Variants in EGLN1 observed in about 807,000 individuals in gnomAD.
EGLN1 encodes the protein egl nine homolog 1.
Under a neutral mutation model 38.3 loss-of-function variants are expected in EGLN1, and 17 were observed. The observed-to-expected ratio is 0.44, with a 90% CI of 0.30 to 0.67. The LOEUF (loss-of-function observed/expected upper bound fraction) is 0.67, where lower values mean the gene tolerates loss of function less well. Ranked by LOEUF, EGLN1 falls within the 30% of genes least tolerant of loss-of-function variation. EGLN1 has a pLI of 0.08. For synonymous variants in EGLN1, 283 were observed against 257.5 expected (o/e 1.10, Z -0.95); for missense variants, 477 against 603.3 (o/e 0.79, Z 2.19).
intron 1 of EGLN1, among the ~76,000 whole-genome samples, chr1:231,409,849 C>T (rs981136650): frequency 3.9e-5 from 6 of 152,160 alleles, no homozygotes; most frequent in Non-Finnish European, 5.9e-5. Flanking sequence ...TTATTAACTC[C>T]TATCATACTG....
At chr1:231,382,058 T>G (rs1016295125) in intron 1 of EGLN1, among the ~76,000 whole-genome samples, 2 of 152,242 alleles carry the variant, frequency 1.3e-5, no homozygotes, top group African/African-American at 4.8e-5. Context: ...TATAATTCGT[T>G]GGAAGAGTCT....
chr1:231,387,520 C>T (rs1688253058), intron 1 of EGLN1, among the ~76,000 whole-genome samples: 3 of 151,858 alleles, frequency 2.0e-5, no homozygotes, highest in African/African-American at 7.3e-5. Flanking sequence ...CCACCACGTC[C>T]GGCTAATTTT....
rs1430001885 is a variant in EGLN1, at chr1:231,365,368, T to G, written c.*1043A>C. The stretch of plus-strand genomic sequence containing the variant: ...TTAAGAAAGCCCTTATCTTAGGAAC[T>G]TGAAGCTGAGGATAATCTCAAGTTC... On this transcript the variant is annotated 3_prime_UTR_variant, in exon 5 of 5. Coordinates refer to ENST00000366641, the MANE Select transcript of EGLN1 (RefSeq NM_022051.3). The G allele has an allele frequency of 6.6e-6, 1 of 152,246 alleles. No individual in the cohort carries two copies. Among genetic ancestry groups the G allele is most frequent in the Non-Finnish European group, 1.5e-5 (1 of 68,034 alleles). The allele number at this position is 152,246 out of a possible 1,614,324, so 9.4% of individuals were successfully genotyped here.
At chr1:231,404,507 G>GTGGCT in intron 1 of EGLN1, among the ~76,000 whole-genome samples, 1 of 152,180 alleles carries the variant, frequency 6.6e-6, no homozygotes, top group Admixed American at 6.5e-5. Context: ...GCCAGGCACA[G>GTGGCT]TGGCTCATGC....
At chr1:231,377,743 G>A (rs1457502356) in intron 1 of EGLN1, among the ~76,000 whole-genome samples, 3 of 152,158 alleles carry the variant, frequency 2.0e-5, no homozygotes, top group Non-Finnish European at 4.4e-5. Context: ...TGGAGCCCTA[G>A]GGAGGTATCT....
At chr1:231,391,044 C>T (rs1365494543) in intron 1 of EGLN1, among the ~76,000 whole-genome samples, 6 of 128,570 alleles carry the variant, frequency 4.7e-5, no homozygotes, top group South Asian at 2.7e-4. Context: ...TGATTCACCA[C>T]GACCGACGCG....
intron 1 of EGLN1, among the ~76,000 whole-genome samples, chr1:231,413,180 A>G (rs1688996361): frequency 6.6e-6 from 1 of 152,032 alleles, no homozygotes; most frequent in South Asian, 2.1e-4. Context: ...GGTTCAAGTA[A>G]TTCTCCTGCC....
At chr1:231,401,891 T>G (rs1688672550) in intron 1 of EGLN1, among the ~76,000 whole-genome samples, 2 of 152,210 alleles carry the variant, frequency 1.3e-5, no homozygotes, top group South Asian at 4.1e-4. Context: ...CTAACCCGTT[T>G]TCCAAAGTGG....
At chr1:231,378,935 G>A (rs2739515) in intron 1 of EGLN1, among the ~76,000 whole-genome samples, 82,907 of 151,986 alleles carry the variant, frequency 0.55, 24,234 homozygotes, top group Non-Finnish European at 0.65. Flanking sequence ...GCCTTTTGTA[G>A]AGGCTGACAG....
intron 1 of EGLN1, among the ~76,000 whole-genome samples, chr1:231,378,399 A>C (rs1688006894): frequency 6.6e-6 from 1 of 152,182 alleles, no homozygotes; most frequent in Non-Finnish European, 1.5e-5. Context: ...ATTTATACAT[A>C]AACAAAACAA....
chr1:231,384,499 A>G (rs1688148090), intron 1 of EGLN1, among the ~76,000 whole-genome samples: 1 of 152,150 alleles, frequency 6.6e-6, no homozygotes, highest in Non-Finnish European at 1.5e-5. Context: ...GTTGACATTT[A>G]AGAAGAAATG....
chr1:231,370,769 AAG>A, intron 2 of EGLN1, 71 bp from the exon 3 acceptor site: 1 of 1,533,354 alleles, frequency 6.5e-7, no homozygotes, highest in Non-Finnish European at 9.0e-7. Context: ...GGGGGAAAAA[AAG>A]AGACAATTTC....
intron 4 of EGLN1, 119 bp downstream of exon 4, chr1:231,367,449 TA>T: frequency 9.3e-7 from 1 of 1,073,650 alleles, no homozygotes; most frequent in Non-Finnish European, 1.4e-6. Flanking sequence ...AGAAATCTGA[TA>T]AAAAACAAAA....
At chr1:231,393,803 G>A (rs1041720496) in intron 1 of EGLN1, among the ~76,000 whole-genome samples, 1 of 152,030 alleles carries the variant, frequency 6.6e-6, no homozygotes, top group Non-Finnish European at 1.5e-5. Context: ...CTCACTGGAG[G>A]CCAATTTATC....
At chr1:231,374,134 T>C (rs538506148) in intron 1 of EGLN1, 35 bp from the exon 2 acceptor site, 1 of 1,603,932 alleles carries the variant, frequency 6.2e-7, no homozygotes, top group East Asian at 2.2e-5. Context: ...TTAAAGTCCA[T>C]GTATAAATAA....
chr1:231,382,007 C>T (rs956700451), intron 1 of EGLN1, among the ~76,000 whole-genome samples: 1 of 152,176 alleles, frequency 6.6e-6, no homozygotes, highest in Middle Eastern at 3.2e-3. Flanking sequence ...ACTGTTAAGA[C>T]AGATATTCTG....
rs376095279 is a variant in EGLN1 at position 231,401,587 on chromosome 1, A to T, written c.891+19411T>A. Among the ~76,000 whole-genome samples, 3 of 121,026 alleles carry T rather than the reference A, an allele frequency of 2.5e-5. No homozygotes were observed. In the Admixed American group the frequency reaches 2.5e-4, roughly 10 times the overall value. 79.4% of individuals were successfully genotyped at this position (121,026 alleles called of 152,430 possible). A position where few individuals can be genotyped will look rare whatever the true frequency, so the allele number is the denominator to read the frequency against. On this transcript the variant is annotated intron_variant, in intron 1 of 4. Transcript: ENST00000366641. ...ACAAACTTCAACCATGAAGAGCTAA[A>T]TAATTTATGTTACAATTTTTAACTC...
At chr1:231,420,248 G>T (rs1375690348) in intron 1 of EGLN1, 1 of 152,138 alleles carries the variant, frequency 6.6e-6, no homozygotes, top group Non-Finnish European at 1.5e-5. Context: ...TGTTTTCCAG[G>T]AAGTTACAAA....
At chr1:231,400,881 C>A (rs1209503036) in intron 1 of EGLN1, among the ~76,000 whole-genome samples, 1 of 152,044 alleles carries the variant, frequency 6.6e-6, no homozygotes. Flanking sequence ...GAAACCCCAT[C>A]TCTACAAATA....
Sources: allele counts gnomAD v4.1 joint callset (sites outside exome capture counted in the v4.1 genomes callset), GRCh38; gene constraint gnomAD v4.1.1; transcripts MANE v1.5; gene names NCBI Gene and HGNC (gene_info 2026-07-23, HGNC 2026-07-21).